The following GNPTAB variants were observed in gnomAD, a reference collection of about 807,000 sequenced individuals.
The protein encoded by GNPTAB is N-acetylglucosamine-1-phosphate transferase subunits alpha and beta.
Under a neutral mutation model 136.6 loss-of-function variants are expected in GNPTAB, and 92 were observed. The ratio of observed to expected loss-of-function variants is 0.67; its 90% CI spans 0.57 to 0.80. The LOEUF (loss-of-function observed/expected upper bound fraction) is 0.80, where lower values mean the gene tolerates loss of function less well. Among genes scored for constraint, GNPTAB ranks in the 30% least tolerant of loss-of-function variants. The pLI, the probability that GNPTAB is intolerant of heterozygous loss-of-function variation, is 0.00. For missense variants in GNPTAB, 1,343 were observed against 1,501.8 expected, an observed-to-expected ratio of 0.89 and a Z score of 1.75; for synonymous variants, 512 against 535.1, an observed-to-expected ratio of 0.96 and a Z score of 0.60.
chr12:101,784,919 G>A (rs1351043632), intron 5 of GNPTAB, among the ~76,000 whole-genome samples: 1 of 152,152 alleles, frequency 6.6e-6, no homozygotes, highest in African/African-American at 2.4e-5. Context: ...CAGACAAGAG[G>A]CTAGAGCAGA....
chr12:101,782,026 G>A (rs745933304), intron 5 of GNPTAB, among the ~76,000 whole-genome samples: 53 of 152,224 alleles, frequency 3.5e-4, no homozygotes, highest in Non-Finnish European at 6.9e-4. Context: ...GGGAGGTTTA[G>A]GAGATTAGTC....
chr12:101,771,303 G>T (rs1354344822), intron 7 of GNPTAB, 146 bp from the exon 8 acceptor site: 3 of 732,532 alleles, frequency 4.1e-6, no homozygotes, highest in African/African-American at 1.8e-5. Context: ...GAGCGCAGTG[G>T]CACGATCTCT....
At chr12:101,830,201 T>C (rs1871296072) in intron 1 of GNPTAB, among the ~76,000 whole-genome samples, 1 of 152,180 alleles carries the variant, frequency 6.6e-6, no homozygotes, top group African/African-American at 2.4e-5. Context: ...CAGACCAACC[T>C]GGGCAACATA....
intron 13 of GNPTAB, 152 bp from the exon 14 acceptor site, chr12:101,761,915 T>G (rs918174334): frequency 1.5e-6 from 1 of 678,608 alleles, no homozygotes; most frequent in Admixed American, 2.3e-5. Context: ...TTTAAGGATC[T>G]AAACTGGACT....
intron 1 of GNPTAB, among the ~76,000 whole-genome samples, chr12:101,827,393 G>A (rs892245739): frequency 1.3e-5 from 2 of 151,788 alleles, no homozygotes; most frequent in Admixed American, 6.6e-5. Context: ...GAGCCACCAC[G>A]CCCAGCCTTT....
chr12:101,749,068 A>G, intron 20 of GNPTAB, 33 bp downstream of exon 20: 1 of 1,190,370 alleles, frequency 8.4e-7, no homozygotes, highest in Non-Finnish European at 1.3e-6. Context: ...AAGAAATACC[A>G]TTTAATACCC....
At chr12:101,748,991 TAAGAG>T (rs999160806) in intron 20 of GNPTAB, 105 bp downstream of exon 20, 22 of 729,460 alleles carry the variant, frequency 3.0e-5, no homozygotes, top group African/African-American at 5.2e-5. Context: ...TATAAGACAA[TAAGAG>T]AAGTTAAAAT....
rs745646168 is a variant in GNPTAB at position 101,753,558 on chromosome 12, A to C, written c.3435-19T>G. 1 of 1,603,798 alleles carries C rather than the reference A, an allele frequency of 6.2e-7. No individual in the cohort carries two copies. Among genetic ancestry groups the C allele is most frequent in the South Asian group, 1.1e-5 (1 of 90,892 alleles). ...AAACTTCCTGAAATAACAGAGAGCCAGGGTTATTAGTTACATATGGATAAT... is the reference window on the plus strand; with the variant it reads ...AAACTTCCTGAAATAACAGAGAGCCCGGGTTATTAGTTACATATGGATAAT... On this transcript the variant is annotated intron_variant, in intron 18 of 20. Coordinates refer to ENST00000299314, the MANE Select transcript of GNPTAB (RefSeq NM_024312.5).
Position 101,761,579 on chromosome 12 carries a change from T to C in GNPTAB, c.2900A>G (p.Gln967Arg), listed in dbSNP as rs192687061. The C allele has an allele frequency of 2.7e-5, 43 of 1,614,150 alleles. No individual in the cohort carries two copies. In the African/African-American group the frequency reaches 4.4e-4, roughly 17 times the overall value. Reference protein sequence around the residue: ...MPHMIDRIVMQELQDMFPEEF... With the variant: ...MPHMIDRIVMRELQDMFPEEF... ...CAAGACTTACATATCTTGCAGTTCTTGCATAACAATCCGGTCAATCATGTG... is the reference window on the plus strand; with the variant it reads ...CAAGACTTACATATCTTGCAGTTCTCGCATAACAATCCGGTCAATCATGTG... Residue 967 changes from glutamine to arginine, a missense_variant, in exon 14 of 21, where the codon CAA becomes CGA. Coordinates refer to ENST00000299314, the MANE Select transcript of GNPTAB (RefSeq NM_024312.5).
intron 1 of GNPTAB, among the ~76,000 whole-genome samples, chr12:101,819,691 T>C (rs1043538221): frequency 6.6e-6 from 1 of 152,228 alleles, no homozygotes; most frequent in Non-Finnish European, 1.5e-5. Context: ...TAATTTAGTA[T>C]GCATACGAAT....
chr12:101,818,953 T>C (rs1870657798), intron 1 of GNPTAB, among the ~76,000 whole-genome samples: 1 of 152,126 alleles, frequency 6.6e-6, no homozygotes, highest in Non-Finnish European at 1.5e-5. Flanking sequence ...TCTTTCCCCT[T>C]TCACCATGAT....
chr12:101,824,425 TATATA>T, intron 1 of GNPTAB, among the ~76,000 whole-genome samples: 1 of 110,410 alleles, frequency 9.1e-6, no homozygotes. Flanking sequence ...TATATATATA[TATATA>T]TATTTTCTTT....
At chr12:101,791,845 G>A (rs1566088394) in intron 2 of GNPTAB, among the ~76,000 whole-genome samples, 1 of 152,156 alleles carries the variant, frequency 6.6e-6, no homozygotes, top group South Asian at 2.1e-4. Flanking sequence ...AGAAGTAGGG[G>A]AGATAACTGG....
chr12:101,824,441 T>A (rs1005196248), intron 1 of GNPTAB, among the ~76,000 whole-genome samples: 16 of 133,492 alleles, frequency 1.2e-4, no homozygotes, highest in African/African-American at 4.0e-4. Flanking sequence ...TATTTTCTTT[T>A]TTTTTTTTTT....
At chr12:101,797,680 C>A (rs1869378767) in intron 1 of GNPTAB, among the ~76,000 whole-genome samples, 1 of 152,152 alleles carries the variant, frequency 6.6e-6, no homozygotes, top group Admixed American at 6.5e-5. Flanking sequence ...AGGATAAGGA[C>A]CTTATTACCT....
At chr12:101,812,514 C>T (rs887800743) in intron 1 of GNPTAB, among the ~76,000 whole-genome samples, 13 of 152,100 alleles carry the variant, frequency 8.5e-5, no homozygotes, top group East Asian at 3.9e-4. Flanking sequence ...CCAGCACTTT[C>T]GGAAGCTGAG....
At chr12:101,794,713 G>T (rs749823355) in intron 2 of GNPTAB, among the ~76,000 whole-genome samples, 2 of 152,100 alleles carry the variant, frequency 1.3e-5, no homozygotes, top group Non-Finnish European at 2.9e-5. Flanking sequence ...GAACAAGAGT[G>T]TTTGATTAAA....
In GNPTAB at chr12:101,747,222, T is replaced by G; in HGVS notation, c.3713A>C (p.Lys1238Thr). 6.3e-7 allele frequency: 1 copy of G among 1,587,942 alleles called. No individual in the cohort carries two copies. The highest frequency in any genetic ancestry group is 8.6e-7 in the Non-Finnish European group (1 of 1,156,204). ...FAEQLIALKR[K>T]IFPRRRIHKE... ...GTGTATCCTCCTTCTGGGAAATATC[T>G]TCCGCTTAAGTGCAATTAACTAAAT... Residue 1238 changes from lysine (K) to threonine (T), a missense_variant, in exon 21 of 21, where the codon AAG (lysine) becomes ACG (threonine). Transcript: ENST00000299314.
rs1870202312 is a variant in GNPTAB at position 101,811,027 on chromosome 12, C to T, written c.118-14265G>A. 3.3e-5 allele frequency among the ~76,000 whole-genome samples: 5 copies of T among 152,350 alleles called. 1 individual carries two copies. The South Asian group carries it at 1.0e-3, about 32-fold the overall frequency. ...GTTTGCGAGTATCTAGAGGATCTCT[C>T]AGCCTCTACCTTTGCCTTGAGAAGA... On this transcript the variant is annotated intron_variant, in intron 1 of 20. Coordinates refer to ENST00000299314, the MANE Select transcript of GNPTAB (RefSeq NM_024312.5).
Sources: allele counts gnomAD v4.1 joint callset (sites outside exome capture counted in the v4.1 genomes callset), GRCh38; gene constraint gnomAD v4.1.1; transcripts MANE v1.5; gene names NCBI Gene and HGNC (gene_info 2026-07-23, HGNC 2026-07-21).